Variants in DOCK1 observed in about 807,000 individuals in gnomAD.
DOCK1 encodes the protein dedicator of cytokinesis protein 1.
In DOCK1, 138 loss-of-function variants were observed where a neutral mutation model predicts 262.7. That is an observed-to-expected ratio of 0.53 (90% CI 0.46 to 0.61). The LOEUF (loss-of-function observed/expected upper bound fraction) is 0.61, where lower values mean the gene tolerates loss of function less well. Ranked by LOEUF, DOCK1 falls within the 20% of genes least tolerant of loss-of-function variation. DOCK1 has a pLI of 0.00. For missense variants in DOCK1, 1,908 were observed against 2,370.7 expected (o/e 0.80, Z 4.05); for synonymous variants, 866 against 867.4 (o/e 1.00, Z 0.03).
chr10:127,038,529 G>A (rs910189978), intron 19 of DOCK1, among the ~76,000 whole-genome samples: 5 of 152,250 alleles, frequency 3.3e-5, no homozygotes, highest in African/African-American at 1.2e-4. Flanking sequence ...CCTTGTTACT[G>A]CCATCAGCAT....
chr10:127,428,707 CTGTGTCATGTGGAT>C (rs2069008409), intron 47 of DOCK1, among the ~76,000 whole-genome samples: 1 of 89,198 alleles, frequency 1.1e-5, no homozygotes, highest in African/African-American at 4.5e-5. Context: ...GCTGTGTGGA[CTGTGTCATGTGGAT>C]TGTGGTGTCC....
intron 27 of DOCK1, chr10:127,153,761 C>T: frequency 1.0e-6 from 1 of 1,000,254 alleles, no homozygotes; most frequent in Non-Finnish European, 1.6e-6. Context: ...TAGAATCATC[C>T]CAGCATGGCC....
At chr10:127,059,766 A>G (rs2045410318) in intron 22 of DOCK1, among the ~76,000 whole-genome samples, 1 of 152,100 alleles carries the variant, frequency 6.6e-6, no homozygotes, top group Admixed American at 6.6e-5. Context: ...AAATTGTAAT[A>G]TCTAGATTAT....
Position 127,100,646 on chromosome 10 carries a change from G to T in DOCK1, c.2446-5585G>T, listed in dbSNP as rs2048187493. ...GGACCCCGAGGAACCCACAGGCAAG[G>T]GGCTGGGGGAGCAGGGCCCTGCGCA... On this transcript the variant is annotated intron_variant, in intron 23 of 51. Coordinates refer to ENST00000623213, the MANE Select transcript of DOCK1 (RefSeq NM_001290223.2). This position sits in a 1 kb window ranked among gnomAD's most constrained non-coding sequence, Gnocchi z 5.5. 6.6e-6 allele frequency among the ~76,000 whole-genome samples: 1 copy of T among 152,124 alleles called. No individual in the cohort carries two copies. The highest frequency in any genetic ancestry group is 1.5e-5 in the Non-Finnish European group (1 of 68,014).
In DOCK1 at chr10:127,175,410, G is replaced by A. The variant is rs767609478; in HGVS notation, c.2847+47646G>A. 12 of 1,613,362 alleles carry A rather than the reference G, an allele frequency of 7.4e-6. No individual in the cohort carries two copies. The East Asian group carries it at 8.9e-5, about 12-fold the overall frequency. On this transcript the variant is annotated intron_variant, in intron 27 of 51. Coordinates refer to ENST00000623213, the MANE Select transcript of DOCK1 (RefSeq NM_001290223.2). The surrounding 1 kb of genome is among the most constrained non-coding windows in gnomAD (Gnocchi z 6.3). ...GGGACTAGGCTGGTTCCCCAGCCCCGGCGGGGTGTGAGTCTGCGACGGCTG... is the reference window on the plus strand; with the variant it reads ...GGGACTAGGCTGGTTCCCCAGCCCCAGCGGGGTGTGAGTCTGCGACGGCTG...
intron 11 of DOCK1, among the ~76,000 whole-genome samples, chr10:127,009,575 TG>T (rs1482268606): frequency 6.6e-6 from 1 of 152,100 alleles, no homozygotes; most frequent in African/African-American, 2.4e-5. Context: ...AGCTTCCTCC[TG>T]GGCGTGGGGT....
chr10:127,295,177 C>A (rs1026246267), intron 29 of DOCK1, among the ~76,000 whole-genome samples: 6 of 152,112 alleles, frequency 3.9e-5, no homozygotes, highest in Admixed American at 1.3e-4. Context: ...CATAGTTCTG[C>A]AGGCTGTACA....
chr10:127,447,719 C>T (rs773783262), intron 51 of DOCK1, among the ~76,000 whole-genome samples, 174 bp downstream of exon 51: 1 of 152,118 alleles, frequency 6.6e-6, no homozygotes, highest in Non-Finnish European at 1.5e-5. Context: ...GTAAGGACTC[C>T]AGTGGGTAAG....
At chr10:127,348,311 T>G (rs2063736064) in intron 31 of DOCK1, among the ~76,000 whole-genome samples, 1 of 152,098 alleles carries the variant, frequency 6.6e-6, no homozygotes, top group African/African-American at 2.4e-5. Context: ...CCCCTAGCCT[T>G]TTTTACATTA....
At chr10:126,998,371 G>A in intron 8 of DOCK1, 122 bp downstream of exon 8, 1 of 1,332,524 alleles carries the variant, frequency 7.5e-7, no homozygotes, top group Non-Finnish European at 1.0e-6. Context: ...CTGGACACGA[G>A]CAAGCAGCCG....
intron 44 of DOCK1, among the ~76,000 whole-genome samples, chr10:127,416,444 C>T (rs1379198750): frequency 1.3e-5 from 2 of 152,222 alleles, no homozygotes; most frequent in Admixed American, 6.5e-5. Flanking sequence ...TAATCGGGGC[C>T]TGCCAGCCAA....
At chr10:127,151,570 G>C (rs1349209247) in intron 27 of DOCK1, among the ~76,000 whole-genome samples, 1 of 152,140 alleles carries the variant, frequency 6.6e-6, no homozygotes, top group Non-Finnish European at 1.5e-5. Context: ...GGTGACAGTC[G>C]GGTCTGCAGG....
intron 1 of DOCK1, among the ~76,000 whole-genome samples, chr10:126,921,892 T>G (rs114809614): frequency 4.1e-4 from 62 of 152,086 alleles, no homozygotes; most frequent in African/African-American, 1.4e-3. Context: ...CCTCAGGTGA[T>G]CCACAAGGCT....
At position 126,934,992 on chromosome 10, in the gene DOCK1, C is replaced by T. The variant is rs1487802299; in HGVS notation, c.46+29429C>T. 2.0e-5 allele frequency among the ~76,000 whole-genome samples: 3 copies of T among 152,060 alleles called. No individual in the cohort carries two copies. In the East Asian group the frequency reaches 5.8e-4, roughly 30 times the overall value. On this transcript the variant is annotated intron_variant, in intron 1 of 51. Coordinates refer to ENST00000623213, the MANE Select transcript of DOCK1 (RefSeq NM_001290223.2). ...AGGCATGGTGGCAGGCGCCTGTAGT[C>T]CCAGCTACTCAGGAGGCTGAGGCAG...
chr10:126,998,005 C>G, intron 7 of DOCK1, 87 bp from the exon 8 acceptor site: 1 of 1,525,388 alleles, frequency 6.6e-7, no homozygotes, highest in Non-Finnish European at 8.9e-7. Flanking sequence ...TGAGTTATTA[C>G]AATTTTCTAT....
chr10:127,002,057 C>T (rs1252411050), intron 10 of DOCK1, among the ~76,000 whole-genome samples: 1 of 152,150 alleles, frequency 6.6e-6, no homozygotes, highest in Non-Finnish European at 1.5e-5. Context: ...TGAAAATTGC[C>T]CCTCTATTTG....
At chr10:127,000,062 TA>T in intron 9 of DOCK1, 109 bp from the exon 10 acceptor site, 2 of 1,234,456 alleles carry the variant, frequency 1.6e-6, no homozygotes, top group Non-Finnish European at 2.3e-6. Flanking sequence ...ATTAAAATGA[TA>T]AAAACTGGTC....
intron 24 of DOCK1, among the ~76,000 whole-genome samples, chr10:127,109,229 G>T (rs149680865): frequency 6.6e-6 from 1 of 152,070 alleles, no homozygotes; most frequent in African/African-American, 2.4e-5. Flanking sequence ...CTGGTACTGG[G>T]AATTACCATT....
At chr10:127,377,517 C>T (rs1389774435) in intron 35 of DOCK1, among the ~76,000 whole-genome samples, 2 of 152,082 alleles carry the variant, frequency 1.3e-5, no homozygotes, top group South Asian at 2.1e-4. Flanking sequence ...CCTTTAGAAC[C>T]AGCTTCGTGG....
Sources: allele counts gnomAD v4.1 joint callset (sites outside exome capture counted in the v4.1 genomes callset), GRCh38; gene constraint gnomAD v4.1.1; non-coding constraint Gnocchi (gnomAD v3.1); transcripts MANE v1.5; gene names NCBI Gene and HGNC (gene_info 2026-07-23, HGNC 2026-07-21).